Variants in PCSK5 observed in about 807,000 individuals in gnomAD.
The protein encoded by PCSK5 is proprotein convertase subtilisin/kexin type 5, also known as prohormone convertase 5.
Under a neutral mutation model 233.2 loss-of-function variants are expected in PCSK5, and 129 were observed. The ratio of observed to expected loss-of-function variants is 0.55; its 90% CI spans 0.48 to 0.64. PCSK5 has a LOEUF of 0.64. PCSK5 is among the 30% of genes least tolerant of loss of function. The probability of loss-of-function intolerance (pLI) is 0.00; values close to 1 mark genes in which losing one functional copy is unlikely to be tolerated. For missense variants in PCSK5, 2,076 were observed against 2,430.1 expected (o/e 0.85, Z 3.06); for synonymous variants, 825 against 879.2 (o/e 0.94, Z 1.09).
At chr9:76,280,961 T>G (rs1367228369) in intron 24 of PCSK5, among the ~76,000 whole-genome samples, 1 of 152,032 alleles carries the variant, frequency 6.6e-6, no homozygotes, top group Admixed American at 6.6e-5. Context: ...CAAAGCCTAA[T>G]CCAGAGCAAG....
chr9:75,890,921 G>C lies in PCSK5; in HGVS notation c.-261G>C. The stretch of plus-strand genomic sequence containing the variant: ...CTCAGCCTCCTCCTGCGTCCGAGCC[G>C]GGGAGCATCGCCGAGCGCCCCACGG... On this transcript the variant is annotated 5_prime_UTR_variant, in exon 1 of 38. Transcript: ENST00000674117. 2.7e-6 allele frequency: 1 copy of C among 369,738 alleles called. No individual in the cohort carries two copies. The highest frequency in any genetic ancestry group is 4.8e-6 in the Non-Finnish European group (1 of 207,604). The allele number at this position is 369,738 out of a possible 1,614,324, so 22.9% of individuals were successfully genotyped here.
At chr9:75,972,800 C>T (rs908170191) in intron 2 of PCSK5, among the ~76,000 whole-genome samples, 21 of 152,072 alleles carry the variant, frequency 1.4e-4, no homozygotes, top group Admixed American at 6.6e-4. Flanking sequence ...ATTTTCTTTC[C>T]TCCTTCCCCC....
At chr9:75,957,115 G>A (rs555139026) in intron 2 of PCSK5, among the ~76,000 whole-genome samples, 5 of 152,262 alleles carry the variant, frequency 3.3e-5, no homozygotes, top group Non-Finnish European at 5.9e-5. Flanking sequence ...TCAAATTAAT[G>A]AGTGTTGGTG....
At chr9:76,126,181 A>ATGTGTG (rs71499131) in intron 9 of PCSK5, among the ~76,000 whole-genome samples, 3,196 of 150,536 alleles carry the variant, frequency 0.021, 111 homozygotes, top group African/African-American at 0.073. Context: ...GTGTGTGTGT[A>ATGTGTG]TGTGTGTGTG....
intron 24 of PCSK5, among the ~76,000 whole-genome samples, chr9:76,269,019 A>T (rs997713054): frequency 1.3e-5 from 2 of 152,192 alleles, no homozygotes; most frequent in Non-Finnish European, 2.9e-5. Flanking sequence ...GGTGAAATTC[A>T]TATCTACAAG....
chr9:76,055,631 C>T (rs1829793732), intron 5 of PCSK5, among the ~76,000 whole-genome samples: 1 of 152,006 alleles, frequency 6.6e-6, no homozygotes, highest in South Asian at 2.1e-4. Context: ...AGTCACTGCT[C>T]CTCCACAGAG....
At chr9:76,203,478 A>G (rs1234952856) in intron 20 of PCSK5, among the ~76,000 whole-genome samples, 1 of 151,632 alleles carries the variant, frequency 6.6e-6, no homozygotes, top group Non-Finnish European at 1.5e-5. Flanking sequence ...GTGGTAGAAG[A>G]AGGCAAAACA....
intron 24 of PCSK5, among the ~76,000 whole-genome samples, chr9:76,274,039 TCA>T (rs1352197143): frequency 3.3e-5 from 5 of 151,946 alleles, no homozygotes; most frequent in Non-Finnish European, 7.4e-5. Flanking sequence ...TCCCATTCTC[TCA>T]GTTATCTCTT....
chr9:76,137,004 AC>A (rs1291466096), intron 10 of PCSK5, among the ~76,000 whole-genome samples: 1 of 152,036 alleles, frequency 6.6e-6, no homozygotes, highest in East Asian at 1.9e-4. Context: ...CTTCAGACAT[AC>A]CCCCATGTCC....
chr9:76,283,903 A>T (rs1214004342), intron 24 of PCSK5, among the ~76,000 whole-genome samples: 1 of 152,230 alleles, frequency 6.6e-6, no homozygotes, highest in Non-Finnish European at 1.5e-5. Flanking sequence ...TAGTCCGTCT[A>T]TAAAGAAGGG....
chr9:76,308,857 T>C (rs62565668), intron 29 of PCSK5, 129 bp downstream of exon 29: 12,105 of 624,246 alleles, frequency 0.019, 179 homozygotes, highest in Non-Finnish European at 0.024. Context: ...CCTATTACAG[T>C]GGCTACTCGG....
Position 76,157,143 on chromosome 9 carries a change from A to C in PCSK5, c.1411A>C (p.Ser471Arg). ...TVPRQHVCVE[S>R]TDRQIKTIRP... ...TCCCCGGCAGCACGTGTGTGTGGAG[A>C]GCACAGACCGACAAATCAAGTAATG... The change falls in exon 11 of 38, where the codon AGC becomes CGC. Residue 471 changes from serine (S) to arginine (R), a missense_variant. By Grantham distance (110) the Ser-to-Arg change is moderately radical (BLOSUM62 -1). Around this residue, in one of 6 missense-constraint regions of PCSK5, gnomAD observed 64 missense variants for 68.6 expected, o/e 0.93. Coordinates refer to ENST00000674117, the MANE Select transcript of PCSK5 (RefSeq NM_001372043.1). 6.2e-7 allele frequency: 1 copy of C among 1,612,200 alleles called. No individual in the cohort carries two copies. The highest frequency in any genetic ancestry group is 2.2e-5 in the East Asian group (1 of 44,852).
intron 8 of PCSK5, among the ~76,000 whole-genome samples, chr9:76,106,160 A>C (rs764011267): frequency 2.0e-5 from 3 of 152,150 alleles, no homozygotes; most frequent in Non-Finnish European, 4.4e-5. Context: ...CCGTTTTCCT[A>C]TCTGTAATAT....
intron 5 of PCSK5, among the ~76,000 whole-genome samples, chr9:76,062,989 C>T (rs1397867118): frequency 6.6e-6 from 1 of 152,170 alleles, no homozygotes; most frequent in South Asian, 2.1e-4. Context: ...AACCATCATT[C>T]TACTCCACAT....
intron 26 of PCSK5, 88 bp downstream of exon 26, chr9:76,295,499 T>C (rs566957454): frequency 1.6e-6 from 2 of 1,240,330 alleles, no homozygotes; most frequent in Non-Finnish European, 2.3e-6. Context: ...ATGTGATTGG[T>C]TTCAGAGTCT....
At chr9:76,252,703 C>G (rs1434892308) in intron 24 of PCSK5, among the ~76,000 whole-genome samples, 2 of 152,198 alleles carry the variant, frequency 1.3e-5, no homozygotes, top group African/African-American at 2.4e-5. Context: ...AGAAGACACC[C>G]TAACCCTTTT....
chr9:76,310,473 C>T (rs1453721923), intron 29 of PCSK5, among the ~76,000 whole-genome samples, 183 bp from the exon 30 acceptor site: 2 of 152,130 alleles, frequency 1.3e-5, no homozygotes, highest in African/African-American at 4.8e-5. Flanking sequence ...AAGTCTCTTG[C>T]TGTCAATTGC....
intron 20 of PCSK5, 147 bp from the exon 21 acceptor site, chr9:76,227,356 T>C (rs1433127067): frequency 2.7e-5 from 17 of 621,224 alleles, no homozygotes; most frequent in Non-Finnish European, 5.8e-6. Context: ...GATTTGGGAC[T>C]AGCAGCTGAA....
intron 20 of PCSK5, among the ~76,000 whole-genome samples, chr9:76,225,240 C>T (rs140191516): frequency 6.6e-6 from 1 of 152,264 alleles, no homozygotes; most frequent in Non-Finnish European, 1.5e-5. Flanking sequence ...TGAGAACCCA[C>T]GAGTAGGGTC....
Sources: allele counts gnomAD v4.1 joint callset (sites outside exome capture counted in the v4.1 genomes callset), GRCh38; gene constraint gnomAD v4.1.1; regional missense constraint gnomAD v4.1.1; transcripts MANE v1.5; gene names NCBI Gene and HGNC (gene_info 2026-07-23, HGNC 2026-07-21).